The following AGBL4 variants were observed in gnomAD, a reference collection of about 807,000 sequenced individuals.
The protein encoded by AGBL4 is cytosolic carboxypeptidase 6.
A neutral mutation model predicts 66.4 loss-of-function variants in AGBL4; 58 were observed. That is an observed-to-expected ratio of 0.87 (90% CI 0.71 to 1.09). AGBL4 has a LOEUF of 1.09. Ranked by LOEUF, AGBL4 falls within the 50% of genes least tolerant of loss-of-function variation. AGBL4 has a pLI of 0.00. For missense variants in AGBL4, 579 were observed against 631.0 expected (o/e 0.92, Z 0.88); for synonymous variants, 234 against 222.9 (o/e 1.05, Z -0.44).
At chr1:49,011,506 T>C (rs1662407628) in intron 5 of AGBL4, among the ~76,000 whole-genome samples, 1 of 152,190 alleles carries the variant, frequency 6.6e-6, no homozygotes, top group Non-Finnish European at 1.5e-5. Flanking sequence ...AGAAATACCA[T>C]TTAACCCTGC....
At chr1:49,735,076 A>T (rs1050025862) in intron 2 of AGBL4, among the ~76,000 whole-genome samples, 4 of 152,258 alleles carry the variant, frequency 2.6e-5, no homozygotes, top group African/African-American at 9.6e-5. Context: ...CAAGACAATA[A>T]CAATTATTAT....
In AGBL4 at chr1:49,389,222, G is replaced by A. The variant is rs72899925; in HGVS notation, c.283-143358C>T. 8.3e-3 allele frequency among the ~76,000 whole-genome samples: 1,266 copies of A among 152,142 alleles called. 14 individuals carry two copies. Among genetic ancestry groups the A allele is most frequent in the African/African-American group, 0.029 (1,212 of 41,508 alleles). ...GATATCATAGACTTGCTAGCCTGAA[G>A]GGAGATCATCTGCCATCAATTTTTT... On this transcript the variant is annotated intron_variant, in intron 3 of 13. Transcript: ENST00000371839.
At chr1:49,130,146 C>T (rs1421285775) in intron 4 of AGBL4, among the ~76,000 whole-genome samples, 7 of 152,132 alleles carry the variant, frequency 4.6e-5, no homozygotes, top group Admixed American at 1.3e-4. Context: ...CCTTTGCCCA[C>T]TTTTTGATGG....
chr1:49,708,337 A>G (rs1244335467), intron 2 of AGBL4, among the ~76,000 whole-genome samples: 1 of 151,650 alleles, frequency 6.6e-6, no homozygotes, highest in Non-Finnish European at 1.5e-5. Flanking sequence ...CTTCTGCTTG[A>G]TCAATTTGGC....
intron 6 of AGBL4, among the ~76,000 whole-genome samples, chr1:48,826,609 A>G (rs1309083770): frequency 6.6e-6 from 1 of 152,204 alleles, no homozygotes; most frequent in African/African-American, 2.4e-5. Context: ...AGAAGATATA[A>G]AGCAAGAGGA....
At chr1:49,213,744 T>C (rs974350074) in intron 4 of AGBL4, among the ~76,000 whole-genome samples, 1 of 152,142 alleles carries the variant, frequency 6.6e-6, no homozygotes. Flanking sequence ...CTTGGTGCTC[T>C]GAGTGAATTA....
chr1:49,591,798 T>C (rs975886983), intron 3 of AGBL4, among the ~76,000 whole-genome samples: 11 of 152,012 alleles, frequency 7.2e-5, no homozygotes, highest in African/African-American at 2.7e-4. Flanking sequence ...CCTACAACCA[T>C]CTGATCTTCA....
At chr1:49,421,407 C>T (rs1378753198) in intron 3 of AGBL4, among the ~76,000 whole-genome samples, 1 of 151,960 alleles carries the variant, frequency 6.6e-6, no homozygotes, top group Non-Finnish European at 1.5e-5. Context: ...GGTACTATGT[C>T]ATAAAATAAA....
chr1:48,658,865 G>A (rs1034243695), intron 7 of AGBL4, among the ~76,000 whole-genome samples: 1 of 152,038 alleles, frequency 6.6e-6, no homozygotes, highest in East Asian at 1.9e-4. Context: ...GTGTGTGTGT[G>A]TGTGTGTATC....
intron 5 of AGBL4, among the ~76,000 whole-genome samples, chr1:48,889,189 C>T (rs1476010375): frequency 6.6e-6 from 1 of 152,214 alleles, no homozygotes; most frequent in Non-Finnish European, 1.5e-5. Context: ...AACATCACTA[C>T]CAATGCCCTG....
chr1:48,859,859 G>A (rs1647329846), intron 6 of AGBL4, among the ~76,000 whole-genome samples: 1 of 152,142 alleles, frequency 6.6e-6, no homozygotes, highest in Non-Finnish European at 1.5e-5. Context: ...GCTCACCGTG[G>A]TGTTATTTGT....
chr1:49,224,740 T>C (rs921414845), intron 4 of AGBL4, among the ~76,000 whole-genome samples: 1 of 152,082 alleles, frequency 6.6e-6, no homozygotes, highest in African/African-American at 2.4e-5. Flanking sequence ...GGCCTTGTAC[T>C]GGACACCAAA....
At chr1:49,935,559 T>A (rs922094878) in intron 1 of AGBL4, among the ~76,000 whole-genome samples, 24 of 152,150 alleles carry the variant, frequency 1.6e-4, no homozygotes, top group Non-Finnish European at 3.1e-4. Context: ...CCCTGACCCC[T>A]GAGCAGCCTA....
At chr1:48,883,065 T>A (rs577502074) in intron 5 of AGBL4, among the ~76,000 whole-genome samples, 1 of 152,380 alleles carries the variant, frequency 6.6e-6, no homozygotes, top group South Asian at 2.1e-4. Flanking sequence ...TGAATAATGC[T>A]GCAATAAATA....
chr1:49,384,365 G>A (rs570863765), intron 3 of AGBL4, among the ~76,000 whole-genome samples: 75 of 151,832 alleles, frequency 4.9e-4, no homozygotes, highest in Admixed American at 7.9e-4. Context: ...AGGTCGAGGC[G>A]GGCGGATCAT....
At chr1:49,925,670 C>G (rs1347359302) in intron 1 of AGBL4, among the ~76,000 whole-genome samples, 1 of 152,176 alleles carries the variant, frequency 6.6e-6, no homozygotes, top group South Asian at 2.1e-4. Flanking sequence ...GAGCCCTACA[C>G]CTGGCAAAAT....
At chr1:49,762,185 A>G (rs1652375643) in intron 2 of AGBL4, among the ~76,000 whole-genome samples, 1 of 152,188 alleles carries the variant, frequency 6.6e-6, no homozygotes, top group African/African-American at 2.4e-5. Context: ...ATTAATTTCC[A>G]ATCCCATGAA....
intron 3 of AGBL4, among the ~76,000 whole-genome samples, chr1:49,405,281 A>G (rs1645172785): frequency 6.6e-6 from 1 of 152,152 alleles, no homozygotes; most frequent in Non-Finnish European, 1.5e-5. Context: ...CCATTATTCA[A>G]GAGAAACATT....
intron 6 of AGBL4, among the ~76,000 whole-genome samples, chr1:48,819,874 C>T (rs1646272095): frequency 6.6e-6 from 1 of 152,166 alleles, no homozygotes; most frequent in Non-Finnish European, 1.5e-5. Context: ...CCTAAGAAAG[C>T]TGATAGTAAC....
Sources: gnomAD v4.1 joint callset for allele counts (sites outside exome capture counted in the v4.1 genomes callset) on GRCh38, gnomAD v4.1.1 for gene constraint, MANE v1.5 for transcripts, NCBI Gene and HGNC (gene_info 2026-07-23, HGNC 2026-07-21) for gene names.